IQCJ: variants seen among roughly 807,000 people sequenced by gnomAD.
IQCJ encodes IQ domain-containing protein J.
A neutral mutation model predicts 11.0 loss-of-function variants in IQCJ; 9 were observed. The observed-to-expected ratio is 0.82, with a 90% CI of 0.49 to 1.43. The LOEUF (loss-of-function observed/expected upper bound fraction) is 1.43. Among genes scored for constraint, IQCJ ranks in the 40% most tolerant of loss-of-function variants. The probability of loss-of-function intolerance (pLI) is 0.00; values close to 1 mark genes in which losing one functional copy is unlikely to be tolerated. For missense variants in IQCJ, 146 were observed against 133.2 expected (o/e 1.10, Z -0.47); for synonymous variants, 55 against 51.3 (o/e 1.07, Z -0.31).
At chr3:159,163,908 C>G (rs912985311) in intron 1 of IQCJ, among the ~76,000 whole-genome samples, 5 of 150,598 alleles carry the variant, frequency 3.3e-5, no homozygotes, top group African/African-American at 1.2e-4. Context: ...CATATGTGTA[C>G]CAGGCAGAGA....
chr3:159,224,973 A>G (rs1468126123), intron 1 of IQCJ, among the ~76,000 whole-genome samples: 4 of 152,230 alleles, frequency 2.6e-5, no homozygotes, highest in Admixed American at 1.3e-4. Context: ...ACTCTGGAAA[A>G]CAGTTTAACA....
chr3:159,169,170 C>T (rs144269241), intron 1 of IQCJ, among the ~76,000 whole-genome samples: 9 of 151,520 alleles, frequency 5.9e-5, no homozygotes, highest in Non-Finnish European at 1.3e-4. Flanking sequence ...GATTAAGTAA[C>T]TTGCCATAAC....
chr3:159,070,899 A>G (rs1392604479), intron 1 of IQCJ, among the ~76,000 whole-genome samples: 1 of 152,008 alleles, frequency 6.6e-6, no homozygotes, highest in Non-Finnish European at 1.5e-5. Context: ...TGTAGTAAAT[A>G]GGTTAATTAT....
At chr3:159,107,297 T>C (rs1309840898) in intron 1 of IQCJ, among the ~76,000 whole-genome samples, 1 of 152,188 alleles carries the variant, frequency 6.6e-6, no homozygotes, top group Non-Finnish European at 1.5e-5. Context: ...GAGAGCTAGC[T>C]AGTCCCTTTT....
intron 1 of IQCJ, among the ~76,000 whole-genome samples, chr3:159,091,625 T>C (rs1717289344): frequency 6.7e-6 from 1 of 148,680 alleles, no homozygotes; most frequent in Non-Finnish European, 1.5e-5. Context: ...TCAAGACAGT[T>C]ATGAGAACCT....
chr3:159,106,112 A>T (rs1182694681), intron 1 of IQCJ, among the ~76,000 whole-genome samples: 1 of 151,992 alleles, frequency 6.6e-6, no homozygotes, highest in Non-Finnish European at 1.5e-5. Context: ...AGAAGAGGAG[A>T]ATGGAATTGG....
chr3:159,069,755 C>T (rs777747311), intron 1 of IQCJ: 2 of 551,688 alleles, frequency 3.6e-6, no homozygotes, highest in South Asian at 3.2e-5. Context: ...AAATATCTTA[C>T]ACAACAACAG....
intron 1 of IQCJ, among the ~76,000 whole-genome samples, chr3:159,138,616 A>G (rs1436267668): frequency 6.6e-6 from 1 of 152,252 alleles, no homozygotes; most frequent in East Asian, 1.9e-4. Flanking sequence ...TGGTTTGGAC[A>G]ATACATAAAG....
intron 1 of IQCJ, among the ~76,000 whole-genome samples, chr3:159,239,502 T>G (rs1347151708): frequency 6.6e-6 from 1 of 152,224 alleles, no homozygotes; most frequent in Admixed American, 6.5e-5. Context: ...AGCCACATCT[T>G]GGAGAAGAAA....
intron 1 of IQCJ, among the ~76,000 whole-genome samples, chr3:159,226,027 G>A (rs778320095): frequency 2.5e-4 from 38 of 152,184 alleles, no homozygotes; most frequent in Non-Finnish European, 4.6e-4. Context: ...ACAGGGCAAG[G>A]TATGTGGGAA....
intron 1 of IQCJ, among the ~76,000 whole-genome samples, chr3:159,231,530 GC>G (rs1726248703): frequency 1.3e-5 from 2 of 152,124 alleles, no homozygotes; most frequent in Non-Finnish European, 2.9e-5. Context: ...GATTTGGTTT[GC>G]CTGTATTTTA....
At chr3:159,207,923 T>C (rs957751414) in intron 1 of IQCJ, among the ~76,000 whole-genome samples, 1 of 152,214 alleles carries the variant, frequency 6.6e-6, no homozygotes, top group South Asian at 2.1e-4. Context: ...ACTTCATTTG[T>C]ACACATTCGA....
chr3:159,107,034 C>G (rs1718306487), intron 1 of IQCJ, among the ~76,000 whole-genome samples: 1 of 152,008 alleles, frequency 6.6e-6, no homozygotes, highest in Admixed American at 6.6e-5. Flanking sequence ...AAATTATGAC[C>G]CCTACTTTTT....
chr3:159,170,524 A>G (rs1296968436), intron 1 of IQCJ, among the ~76,000 whole-genome samples: 1 of 152,216 alleles, frequency 6.6e-6, no homozygotes, highest in Non-Finnish European at 1.5e-5. Flanking sequence ...ACAGGCCCTT[A>G]ATGAACATTT....
chr3:159,077,567 C>T (rs1716008111), intron 1 of IQCJ, among the ~76,000 whole-genome samples: 1 of 152,068 alleles, frequency 6.6e-6, no homozygotes, highest in Admixed American at 6.6e-5. Flanking sequence ...AGTATACAAA[C>T]ATACTTTTAG....
At chr3:159,200,104 AATAT>A (rs539820364) in intron 1 of IQCJ, among the ~76,000 whole-genome samples, 2 of 116,954 alleles carry the variant, frequency 1.7e-5, no homozygotes, top group Non-Finnish European at 3.4e-5. Context: ...TTTATACATA[AATAT>A]ATATATATAT....
chr3:159,167,873 G>A (rs1271024578), intron 1 of IQCJ, among the ~76,000 whole-genome samples: 1 of 152,300 alleles, frequency 6.6e-6, no homozygotes, highest in East Asian at 1.9e-4. Flanking sequence ...GAAGAGAAGA[G>A]AAGACAAGAG....
chr3:159,203,863 T>G (rs576680271), intron 1 of IQCJ, among the ~76,000 whole-genome samples: 1 of 152,184 alleles, frequency 6.6e-6, no homozygotes, highest in Admixed American at 6.5e-5. Flanking sequence ...CTTGTGTGTA[T>G]GTCAAGAGCA....
intron 1 of IQCJ, among the ~76,000 whole-genome samples, chr3:159,210,900 G>T (rs1724917325): frequency 6.6e-6 from 1 of 151,018 alleles, no homozygotes; most frequent in Non-Finnish European, 1.5e-5. Flanking sequence ...TCAAACTCCT[G>T]ACCTCAGGTG....
Sources: gnomAD v4.1 joint callset for allele counts (sites outside exome capture counted in the v4.1 genomes callset) on GRCh38, gnomAD v4.1.1 for gene constraint, MANE v1.5 for transcripts, NCBI Gene and HGNC (gene_info 2026-07-23, HGNC 2026-07-21) for gene names.